Variants in SLC5A12 observed in about 807,000 individuals in gnomAD.
The protein encoded by SLC5A12 is sodium-coupled monocarboxylate transporter 2.
A neutral mutation model predicts 72.7 loss-of-function variants in SLC5A12; 46 were observed. The ratio of observed to expected loss-of-function variants is 0.63; its 90% CI spans 0.50 to 0.81. The LOEUF (loss-of-function observed/expected upper bound fraction) is 0.81. SLC5A12 is among the 30% of genes least tolerant of loss of function. The probability of loss-of-function intolerance (pLI) is 0.00; values close to 1 mark genes in which losing one functional copy is unlikely to be tolerated. For missense variants in SLC5A12, 683 were observed against 740.7 expected (o/e 0.92, Z 0.90); for synonymous variants, 275 against 264.4 (o/e 1.04, Z -0.39).
chr11:26,669,186 C>CTTTCT lies in SLC5A12; in HGVS notation c.*1915_*1916insAGAAA, dbSNP rs1554988590. ...CTGTCTTTTTCTTTCTTTCTTTCTT[C>CTTTCT]TTTTCTTTCTTTCTTTCTTTCTTTC... is the stretch of plus-strand genomic sequence containing the variant. On this transcript the variant is annotated 3_prime_UTR_variant, in exon 15 of 15. Coordinates refer to ENST00000396005, the MANE Select transcript of SLC5A12 (RefSeq NM_178498.4). The CTTTCT allele has an allele frequency of 3.1e-3, 60 of 19,446 alleles. 1 individual carries two copies. The highest frequency in any genetic ancestry group is 7.4e-3 in the African/African-American group (55 of 7,390). 1.2% of individuals were successfully genotyped at this position (19,446 alleles called of 1,614,324 possible).
intron 1 of SLC5A12, among the ~76,000 whole-genome samples, chr11:26,713,688 T>G (rs1270004643): frequency 6.6e-6 from 1 of 152,166 alleles, no homozygotes; most frequent in Non-Finnish European, 1.5e-5. Flanking sequence ...TTTGATTATC[T>G]CTCTGTATTA....
At position 26,670,294 on chromosome 11, in the gene SLC5A12, T is replaced by C. The variant is rs1854108996; in HGVS notation, c.*808A>G. The C allele has an allele frequency of 1.3e-5, 2 of 152,132 alleles. No individual in the cohort carries two copies. Among genetic ancestry groups the C allele is most frequent in the African/African-American group, 4.8e-5 (2 of 41,440 alleles). The allele number at this position is 152,132 out of a possible 1,614,324, so 9.4% of individuals were successfully genotyped here. A position where few individuals can be genotyped will look rare whatever the true frequency, so the allele number is the denominator to read the frequency against. On this transcript the variant is annotated 3_prime_UTR_variant, in exon 15 of 15. Transcript: ENST00000396005. The stretch of plus-strand genomic sequence containing the variant: ...ATCCTAACAACCTTCTATAGGACAT[T>C]CCTTTTCTCTTTCCTTAGCCCTGGA...
At chr11:26,697,130 A>T in intron 8 of SLC5A12, 34 bp downstream of exon 8, 1 of 1,528,740 alleles carries the variant, frequency 6.5e-7, no homozygotes, top group Non-Finnish European at 9.0e-7. Context: ...TATCCTTTCC[A>T]TCATCATCAT....
chr11:26,688,386 G>A (rs1854587367), intron 9 of SLC5A12, among the ~76,000 whole-genome samples: 1 of 152,176 alleles, frequency 6.6e-6, no homozygotes, highest in African/African-American at 2.4e-5. Context: ...GAATTATACT[G>A]GCAGCAGTGC....
rs778242519 is a variant in SLC5A12 at position 26,698,501 on chromosome 11, T to G, written c.856A>C (p.Ile286Leu). Residue 286 changes from isoleucine to leucine, a missense_variant, in exon 7 of 15, where the codon ATT becomes CTT. By Grantham distance (5) the Ile-to-Leu change is conservative. Coordinates refer to ENST00000396005, the MANE Select transcript of SLC5A12 (RefSeq NM_178498.4). ...LYFNLLGLWI[I>L]LVCAVFSGLI... is the part of the protein sequence containing the mutation. Reference sequence around the variant, plus strand: ...CCAGAGAAGACAGCACACACCAGAATGATCCAGAGACCCAGCAAGTTAAAA... The same window carrying G: ...CCAGAGAAGACAGCACACACCAGAAGGATCCAGAGACCCAGCAAGTTAAAA... 6.2e-7 allele frequency: 1 copy of G among 1,614,018 alleles called. No individual in the cohort carries two copies. The highest frequency in any genetic ancestry group is 8.5e-7 in the Non-Finnish European group (1 of 1,179,950).
chr11:26,698,102 T>C (rs1854869252), intron 7 of SLC5A12, among the ~76,000 whole-genome samples: 1 of 151,990 alleles, frequency 6.6e-6, no homozygotes, highest in South Asian at 2.1e-4. Context: ...TTTGCCGTGT[T>C]GGCCAGACTG....
At position 26,712,710 on chromosome 11, in the gene SLC5A12, A is replaced by T. The variant is rs768870734; in HGVS notation, c.340-4T>A. On this transcript the variant is annotated splice_region_variant and splice_polypyrimidine_tract_variant and intron_variant, in intron 1 of 14. Coordinates refer to ENST00000396005, the MANE Select transcript of SLC5A12 (RefSeq NM_178498.4). Reference sequence around the variant, plus strand: ...TGTTGAATCGTAGTTGTAAGTACTAAAGGAAACAGAAAGACATGCAGAGTC... The same window carrying T: ...TGTTGAATCGTAGTTGTAAGTACTATAGGAAACAGAAAGACATGCAGAGTC... The T allele has an allele frequency of 6.3e-7, 1 of 1,578,318 alleles. No homozygotes were observed. The highest frequency in any genetic ancestry group is 2.3e-5 in the East Asian group (1 of 44,348).
chr11:26,700,796 C>A (rs890480430), intron 6 of SLC5A12, among the ~76,000 whole-genome samples: 7 of 152,148 alleles, frequency 4.6e-5, no homozygotes, highest in Non-Finnish European at 1.0e-4. Context: ...GAAGATTTGG[C>A]TTTAGATTAA....
At chr11:26,708,374 G>A (rs914031556) in intron 4 of SLC5A12, among the ~76,000 whole-genome samples, 2 of 151,980 alleles carry the variant, frequency 1.3e-5, no homozygotes, top group African/African-American at 2.4e-5. Flanking sequence ...TCATGGTAAT[G>A]AGAATGTAAT....
chr11:26,678,887 G>T, intron 12 of SLC5A12, 72 bp from the exon 13 acceptor site: 2 of 974,658 alleles, frequency 2.1e-6, no homozygotes, highest in South Asian at 1.9e-5. Flanking sequence ...GACTGCTCAG[G>T]ATTCATTTTA....
Position 26,709,453 on chromosome 11 carries a change from GAC to G in SLC5A12, c.458-76_458-75del. 3 of 1,127,898 alleles carry G rather than the reference GAC, an allele frequency of 2.7e-6. No individual in the cohort carries two copies. The South Asian group carries it at 4.2e-5, about 16-fold the overall frequency. 69.9% of individuals were successfully genotyped at this position (1,127,898 alleles called of 1,614,324 possible). On this transcript the variant is annotated intron_variant, in intron 3 of 14. Coordinates refer to ENST00000396005, the MANE Select transcript of SLC5A12 (RefSeq NM_178498.4). ...AAAGAGCAAGTTTTATGAGGAAAAA[GAC>G]ACAATATTTTTATCAGTGTTCTTTG...
chr11:26,699,289 G>A (rs1383150722), intron 6 of SLC5A12, among the ~76,000 whole-genome samples: 3 of 152,190 alleles, frequency 2.0e-5, no homozygotes, highest in Non-Finnish European at 2.9e-5. Flanking sequence ...GGAGATGGCC[G>A]CAGGAGGCCA....
At chr11:26,718,327 T>C (rs1855398552) in intron 1 of SLC5A12, among the ~76,000 whole-genome samples, 1 of 152,246 alleles carries the variant, frequency 6.6e-6, no homozygotes, top group Non-Finnish European at 1.5e-5. Context: ...ATAGATGTTT[T>C]TATTACCACT....
At chr11:26,716,227 T>C (rs559509362) in intron 1 of SLC5A12, 1 of 152,194 alleles carries the variant, frequency 6.6e-6, no homozygotes, top group East Asian at 1.9e-4. Context: ...CTCAACCCAG[T>C]AAAATTACAA....
chr11:26,671,010 C>T lies in SLC5A12; in HGVS notation c.*92G>A. 8.2e-7 allele frequency: 1 copy of T among 1,220,384 alleles called. No individual in the cohort carries two copies. The highest frequency in any genetic ancestry group is 1.1e-6 in the Non-Finnish European group (1 of 887,094). 75.6% of individuals were successfully genotyped at this position (1,220,384 alleles called of 1,614,324 possible). Reference sequence around the variant, plus strand: ...CTGTCTTCTAGCAATGGCAACTATACATATCTACTAACAAGTAGGCAAGAA... The same window carrying T: ...CTGTCTTCTAGCAATGGCAACTATATATATCTACTAACAAGTAGGCAAGAA... On this transcript the variant is annotated 3_prime_UTR_variant, in exon 15 of 15. Transcript: ENST00000396005.
chr11:26,708,037 T>C (rs1255422422), intron 4 of SLC5A12, among the ~76,000 whole-genome samples: 2 of 152,074 alleles, frequency 1.3e-5, no homozygotes, highest in Non-Finnish European at 2.9e-5. Context: ...GTAGTAGTAC[T>C]GTTATCACCA....
At chr11:26,693,946 G>T (rs1221515824) in intron 8 of SLC5A12, among the ~76,000 whole-genome samples, 1 of 152,056 alleles carries the variant, frequency 6.6e-6, no homozygotes, top group Non-Finnish European at 1.5e-5. Context: ...AGGAGAGAAG[G>T]GGATTAAATA....
At chr11:26,701,170 A>T (rs1854949605) in intron 6 of SLC5A12, among the ~76,000 whole-genome samples, 1 of 152,102 alleles carries the variant, frequency 6.6e-6, no homozygotes, top group Non-Finnish European at 1.5e-5. Flanking sequence ...TCACTACAGC[A>T]ATCTCCCCTC....
Position 26,673,411 on chromosome 11 carries a change from C to G in SLC5A12, c.1698G>C (p.Gly566=). ...LCWCGVQHDS[G]TEQENLENGS... is the part of the protein sequence containing the mutation. The stretch of plus-strand genomic sequence containing the variant: ...TCAAACATCAGCTCACCTGCTCTGT[C>G]CCACTGTCATGCTGAACTCCACACC... Residue 566 remains glycine (G), a synonymous_variant, in exon 14 of 15, where the codon GGG becomes GGC. Transcript: ENST00000396005. 5.6e-6 allele frequency: 9 copies of G among 1,597,986 alleles called. No homozygotes were observed. The highest frequency in any genetic ancestry group is 6.8e-6 in the Non-Finnish European group (8 of 1,172,780).
Sources: allele counts gnomAD v4.1 joint callset (sites outside exome capture counted in the v4.1 genomes callset), GRCh38; gene constraint gnomAD v4.1.1; transcripts MANE v1.5; gene names NCBI Gene and HGNC (gene_info 2026-07-23, HGNC 2026-07-21).